The following MARF1 variants were observed in gnomAD, a reference collection of about 807,000 sequenced individuals.
The protein encoded by MARF1 is limkain-b1.
MARF1 carries 24 observed loss-of-function variants against 168.2 expected under a neutral mutation model. The observed-to-expected ratio is 0.14, with a 90% CI of 0.10 to 0.20. The LOEUF (loss-of-function observed/expected upper bound fraction) is 0.20. Ranked by LOEUF, MARF1 falls within the 10% of genes least tolerant of loss-of-function variation. The pLI, the probability that MARF1 is intolerant of heterozygous loss-of-function variation, is 1.00. For missense variants in MARF1, 1,744 were observed against 2,143.6 expected, an observed-to-expected ratio of 0.81 and a Z score of 3.68; for synonymous variants, 868 against 822.4, an observed-to-expected ratio of 1.06 and a Z score of -0.95.
chr16:15,618,636 T>C (rs576266281), intron 13 of MARF1, among the ~76,000 whole-genome samples: 1 of 152,278 alleles, frequency 6.6e-6, no homozygotes, highest in Admixed American at 6.5e-5. Context: ...CCTGGTGGCA[T>C]TCCATCCATT....
chr16:15,611,850 T>C (rs1363305921), intron 17 of MARF1, 116 bp from the exon 18 acceptor site: 3 of 787,406 alleles, frequency 3.8e-6, no homozygotes, highest in African/African-American at 1.8e-5. Flanking sequence ...ATGTAGAATG[T>C]GTGCAATTTG....
intron 10 of MARF1, among the ~76,000 whole-genome samples, chr16:15,623,849 C>G (rs1478309973): frequency 6.6e-6 from 1 of 151,376 alleles, no homozygotes; most frequent in Non-Finnish European, 1.5e-5. Context: ...TCTTTCTGCA[C>G]ATAAGGAAAA....
At position 15,639,091 on chromosome 16, in the gene MARF1, G is replaced by A. The variant is rs937500122; in HGVS notation, c.143C>T (p.Thr48Met). Residue 48 changes from threonine (T) to methionine (M), a missense_variant and splice_region_variant, in exon 2 of 27, where the codon ACG becomes ATG. By Grantham distance (81) the Thr-to-Met change is moderately conservative. This residue lies in a region of MARF1 where 318 missense variants were observed against 336.6 expected (regional missense o/e 0.94). Transcript: ENST00000396368. ...PEQTLPHSPQ[T>M]KEYMENKKVA... is the part of the protein sequence containing the mutation. ...ATCCTTAGTCTTGCATATAGTTACC[G>A]TTTGGGGACTATGTGGCAGCGTCTG... The A allele has an allele frequency of 2.2e-5, 36 of 1,613,346 alleles. No homozygotes were observed. Among genetic ancestry groups the A allele is most frequent in the African/African-American group, 4.0e-5 (3 of 74,880 alleles).
chr16:15,617,563 C>T, intron 13 of MARF1, 28 bp from the exon 14 acceptor site: 1 of 1,497,594 alleles, frequency 6.7e-7, no homozygotes, highest in Non-Finnish European at 9.2e-7. Flanking sequence ...GAGACGCTGA[C>T]TTAGAAGGTT....
chr16:15,600,313 G>T, intron 25 of MARF1, 115 bp downstream of exon 25: 1 of 1,362,332 alleles, frequency 7.3e-7, no homozygotes, highest in East Asian at 2.3e-5. Context: ...GTGTGGCTAT[G>T]TAACTTCAGC....
rs200773974 is a variant in MARF1, at chr16:15,600,495, G to A, written c.4746C>T (p.Gly1582=). 9.2e-5 allele frequency: 148 copies of A among 1,614,186 alleles called. 1 individual carries two copies. The highest frequency in any genetic ancestry group is 2.5e-4 in the East Asian group (11 of 44,878). Residue 1582 remains glycine, a synonymous_variant, in exon 25 of 27, where the codon GGC becomes GGT. Transcript: ENST00000396368. ...ATTCGGGCACCTCCAGGATGCGCTCGCCCTCCGAGGGCTGGTTTTCATGAT... is the reference window on the plus strand; with the variant it reads ...ATTCGGGCACCTCCAGGATGCGCTCACCCTCCGAGGGCTGGTTTTCATGAT... ...PANHENQPSE[G]ERILEVPESH...
intron 18 of MARF1, 49 bp downstream of exon 18, chr16:15,611,543 A>C (rs778959183): frequency 6.4e-7 from 1 of 1,561,586 alleles, no homozygotes; most frequent in Non-Finnish European, 8.8e-7. Context: ...GCAGAAGATA[A>C]AATGTCCTAA....
Position 15,635,776 on chromosome 16 carries a change from C to T in MARF1, c.711G>A (p.Leu237=). ...GCTCCGACTGTGAAATGTGCTCTTC[C>T]AAATGCCCTGGAGCCCCGCTTGTGA... The part of the protein sequence containing the change: ...SDFTSGAPGH[L]EEHISQSELT... Residue 237 remains leucine, a synonymous_variant, in exon 3 of 27, where the codon TTG becomes TTA. Coordinates refer to ENST00000396368, the MANE Select transcript of MARF1 (RefSeq NM_014647.4). 6.2e-7 allele frequency: 1 copy of T among 1,614,238 alleles called. No homozygotes were observed. Among genetic ancestry groups the T allele is most frequent in the Non-Finnish European group, 8.5e-7 (1 of 1,180,040 alleles).
chr16:15,622,046 T>C, intron 11 of MARF1, 135 bp from the exon 12 acceptor site: 1 of 747,032 alleles, frequency 1.3e-6, no homozygotes, highest in Non-Finnish European at 2.1e-6. Context: ...AACTCTGCTC[T>C]TCTGCTGACC....
At chr16:15,626,917 T>C (rs957780102) in intron 7 of MARF1, among the ~76,000 whole-genome samples, 2 of 135,274 alleles carry the variant, frequency 1.5e-5, no homozygotes, top group African/African-American at 2.9e-5. Context: ...TGAGCTGAGA[T>C]GGCACCACTG....
chr16:15,605,143 G>A (rs951155365), intron 21 of MARF1, among the ~76,000 whole-genome samples: 13 of 152,358 alleles, frequency 8.5e-5, no homozygotes, highest in African/African-American at 2.6e-4. Flanking sequence ...GGGTGAGGCT[G>A]TGGCGTGAGC....
At chr16:15,599,378 C>T (rs373163195) in intron 25 of MARF1, among the ~76,000 whole-genome samples, 16 of 151,982 alleles carry the variant, frequency 1.1e-4, no homozygotes, top group African/African-American at 3.9e-4. Context: ...GCTCAGAATC[C>T]GAAGCCCTGG....
In MARF1 at chr16:15,634,958, G is replaced by A. The variant is rs188505943; in HGVS notation, c.832-27C>T. 13 of 1,604,658 alleles carry A rather than the reference G, an allele frequency of 8.1e-6. No individual in the cohort carries two copies. The East Asian group carries it at 8.9e-5, about 11-fold the overall frequency. ...TGTTTTAAATTTTTTTTAAAAAGGA[G>A]GAGGTGTCAGATACATCATTTCAGA... On this transcript the variant is annotated intron_variant, in intron 3 of 26. Transcript: ENST00000396368.
At position 15,636,163 on chromosome 16, in the gene MARF1, T is replaced by C; in HGVS notation, c.324A>G (p.Glu108=). The stretch of plus-strand genomic sequence containing the variant: ...CAAAACGCATTGGCGAAGTGGAGGG[T>C]TCATTAGGGCAATGAGCACAGCAGC... ...KVSCCAHCPN[E]PSTSPMRFGG... The change falls in exon 3 of 27, where the codon GAA becomes GAG. Residue 108 remains glutamate, a synonymous_variant. Transcript: ENST00000396368. 6.2e-7 allele frequency: 1 copy of C among 1,614,190 alleles called. No individual in the cohort carries two copies. The highest frequency in any genetic ancestry group is 1.1e-5 in the South Asian group (1 of 91,082).
At chr16:15,612,508 T>G in intron 17 of MARF1, 49 bp downstream of exon 17, 1 of 1,500,084 alleles carries the variant, frequency 6.7e-7, no homozygotes, top group Non-Finnish European at 9.3e-7. Context: ...GCCAAAGCCA[T>G]GGAGGAACAT....
chr16:15,635,745 G>A lies in MARF1; in HGVS notation c.742C>T (p.Pro248Ser), dbSNP rs762264385. Reference sequence around the variant, plus strand: ...TGCAAAGAGTTGGTGCACAAGTGAGGCGTTAGCTCCGACTGTGAAATGTGC... The same window carrying A: ...TGCAAAGAGTTGGTGCACAAGTGAGACGTTAGCTCCGACTGTGAAATGTGC... ...EEHISQSELT[P>S]HLCTNSLHLN... is the part of the protein sequence containing the mutation. Residue 248 changes from proline (P) to serine (S), a missense_variant, in exon 3 of 27, where the codon CCT becomes TCT. By Grantham distance (74) the Pro-to-Ser change is moderately conservative. This residue lies in a region of MARF1 where 318 missense variants were observed against 336.6 expected (regional missense o/e 0.94). Transcript: ENST00000396368. 3.7e-6 allele frequency: 6 copies of A among 1,614,108 alleles called. No homozygotes were observed. The highest frequency in any genetic ancestry group is 5.1e-6 in the Non-Finnish European group (6 of 1,180,062).
At position 15,594,956 on chromosome 16, in the gene MARF1, CTT is replaced by C. The variant is rs747270519; in HGVS notation, c.*1735_*1736del. ...TCTTACGGTTTTAAAGTCCACCACT[CTT>C]TACATGCTAGCAGAACTGAAGTCCA... is the stretch of plus-strand genomic sequence containing the variant. On this transcript the variant is annotated 3_prime_UTR_variant, in exon 27 of 27. Transcript: ENST00000396368. 3.3e-5 allele frequency: 5 copies of C among 152,630 alleles called. No homozygotes were observed. The highest frequency in any genetic ancestry group is 6.5e-5 in the Admixed American group (1 of 15,274). The allele number at this position is 152,630 out of a possible 1,614,324, so 9.5% of individuals were successfully genotyped here.
rs548651909 is a variant in MARF1 at position 15,608,012 on chromosome 16, G to A, written c.4182+279C>T. Among the ~76,000 whole-genome samples the A allele has an allele frequency of 2.6e-5, 4 of 152,248 alleles. No homozygotes were observed. In the East Asian group the frequency reaches 7.7e-4, roughly 29 times the overall value. On this transcript the variant is annotated intron_variant, in intron 21 of 26. Transcript: ENST00000396368. ...CAGCTGCACCTCATGACCGAACCCT[G>A]GGGTGAAGAGTGACCTCATCAGTTC...
Position 15,594,969 on chromosome 16 carries a change from C to G in MARF1, c.*1724G>C, listed in dbSNP as rs1294567689. 1 of 152,638 alleles carries G rather than the reference C, an allele frequency of 6.6e-6. No homozygotes were observed. 9.5% of individuals were successfully genotyped at this position (152,638 alleles called of 1,614,324 possible). A position where few individuals can be genotyped will look rare whatever the true frequency, so the allele number is the denominator to read the frequency against. Reference sequence around the variant, plus strand: ...AAGTCCACCACTCTTTACATGCTAGCAGAACTGAAGTCCAAGCGTGCAAAC... The same window carrying G: ...AAGTCCACCACTCTTTACATGCTAGGAGAACTGAAGTCCAAGCGTGCAAAC... On this transcript the variant is annotated 3_prime_UTR_variant, in exon 27 of 27. Coordinates refer to ENST00000396368, the MANE Select transcript of MARF1 (RefSeq NM_014647.4).
Sources: gnomAD v4.1 joint callset for allele counts (sites outside exome capture counted in the v4.1 genomes callset) on GRCh38, gnomAD v4.1.1 for gene constraint, gnomAD v4.1.1 regional missense constraint, MANE v1.5 for transcripts, NCBI Gene and HGNC (gene_info 2026-07-23, HGNC 2026-07-21) for gene names.